Variants in LRRTM4 observed in about 807,000 individuals in gnomAD.
The protein encoded by LRRTM4 is leucine rich repeat transmembrane neuronal 4.
In LRRTM4, 25 loss-of-function variants were observed where a neutral mutation model predicts 47.6. The observed-to-expected ratio is 0.53, with a 90% CI of 0.38 to 0.73. LRRTM4 has a LOEUF of 0.73. Among genes scored for constraint, LRRTM4 ranks in the 30% least tolerant of loss-of-function variants. The pLI is 0.00. For missense variants in LRRTM4, 638 were observed against 713.4 expected (o/e 0.89, Z 1.20); for synonymous variants, 311 against 269.5 (o/e 1.15, Z -1.51).
At chr2:77,142,217 A>G (rs1035034901) in intron 3 of LRRTM4, among the ~76,000 whole-genome samples, 1 of 152,190 alleles carries the variant, frequency 6.6e-6, no homozygotes, top group African/African-American at 2.4e-5. Flanking sequence ...GTATTAGAAC[A>G]TTTACAACAT....
intron 3 of LRRTM4, among the ~76,000 whole-genome samples, chr2:77,020,969 G>A (rs113126754): frequency 2.0e-5 from 3 of 152,192 alleles, no homozygotes; most frequent in East Asian, 1.9e-4. Context: ...TTCTATTACT[G>A]TTATCCTGTA....
At chr2:76,981,541 C>A (rs115317014) in intron 3 of LRRTM4, among the ~76,000 whole-genome samples, 1,549 of 152,188 alleles carry the variant, frequency 0.01, 15 homozygotes, top group Non-Finnish European at 0.014. Flanking sequence ...GTCGCCTAGA[C>A]TGAAGTGCAG....
intron 3 of LRRTM4, among the ~76,000 whole-genome samples, chr2:76,762,104 T>G (rs1378977506): frequency 6.6e-6 from 1 of 152,174 alleles, no homozygotes; most frequent in African/African-American, 2.4e-5. Flanking sequence ...CAGGGCTTAT[T>G]TACTTGGCTC....
At chr2:76,892,002 T>TA (rs150354256) in intron 3 of LRRTM4, among the ~76,000 whole-genome samples, 2 of 151,368 alleles carry the variant, frequency 1.3e-5, no homozygotes, top group Non-Finnish European at 1.5e-5. Flanking sequence ...AAATTAAAAA[T>TA]AAAAAAATTG....
At chr2:77,493,893 TACAG>T (rs1365397363) in intron 3 of LRRTM4, among the ~76,000 whole-genome samples, 1 of 152,108 alleles carries the variant, frequency 6.6e-6, no homozygotes, top group African/African-American at 2.4e-5. Context: ...TGGCTTTCTT[TACAG>T]ACATTGACAC....
At chr2:77,228,572 G>T (rs1054517844) in intron 3 of LRRTM4, among the ~76,000 whole-genome samples, 2 of 152,154 alleles carry the variant, frequency 1.3e-5, no homozygotes, top group Non-Finnish European at 2.9e-5. Flanking sequence ...CTTGCTGCCA[G>T]TTTTCTACAT....
intron 3 of LRRTM4, among the ~76,000 whole-genome samples, chr2:76,778,272 CATAA>C (rs1240182915): frequency 2.8e-5 from 4 of 144,920 alleles, no homozygotes; most frequent in Non-Finnish European, 6.0e-5. Context: ...ATGCTGGCCT[CATAA>C]AATGAGTTAG....
chr2:77,499,405 G>A (rs542273818), intron 3 of LRRTM4, among the ~76,000 whole-genome samples: 14 of 151,886 alleles, frequency 9.2e-5, no homozygotes, highest in East Asian at 7.7e-4. Context: ...TCCTGGTCCC[G>A]GTTCTCTACA....
At chr2:77,520,534 C>T (rs1679443446) in intron 2 of LRRTM4, among the ~76,000 whole-genome samples, 1 of 152,038 alleles carries the variant, frequency 6.6e-6, no homozygotes, top group South Asian at 2.1e-4. Flanking sequence ...ACTGTGGCTC[C>T]CTGCCCAACG....
chr2:77,373,086 A>T (rs866165339), intron 3 of LRRTM4, among the ~76,000 whole-genome samples: 100 of 130,110 alleles, frequency 7.7e-4, no homozygotes, highest in African/African-American at 2.4e-3. Flanking sequence ...AATTAAAAAA[A>T]AAATATATAT....
At position 76,882,481 on chromosome 2, in the gene LRRTM4, T is replaced by C. The variant is rs148709068; in HGVS notation, c.1552-133565A>G. 3.9e-3 allele frequency among the ~76,000 whole-genome samples: 586 copies of C among 151,796 alleles called. 1 individual carries two copies. The highest frequency in any genetic ancestry group is 0.014 in the African/African-American group (561 of 41,360). On this transcript the variant is annotated intron_variant, in intron 3 of 3. Coordinates refer to ENST00000409884, the MANE Select transcript of LRRTM4 (RefSeq NM_001134745.3). ...CTGAGGTGGGCAGATCTCTTGAGCT[T>C]AGGAGTTCGAGACCAATCCAAGCAA...
chr2:77,464,117 C>A (rs1245783909), intron 3 of LRRTM4, among the ~76,000 whole-genome samples: 3 of 151,906 alleles, frequency 2.0e-5, no homozygotes, highest in African/African-American at 7.3e-5. Flanking sequence ...TTTGGAAGGA[C>A]AGACAAGGAA....
chr2:76,998,264 A>G (rs1237323177), intron 3 of LRRTM4, among the ~76,000 whole-genome samples: 1 of 152,046 alleles, frequency 6.6e-6, no homozygotes, highest in Non-Finnish European at 1.5e-5. Context: ...TATCCCATTC[A>G]GCTTATTCAG....
intron 3 of LRRTM4, among the ~76,000 whole-genome samples, chr2:77,262,135 T>A (rs1411567975): frequency 6.6e-6 from 1 of 152,148 alleles, no homozygotes; most frequent in Non-Finnish European, 1.5e-5. Context: ...TCCCATCACC[T>A]ACAGATGGGA....
intron 3 of LRRTM4, among the ~76,000 whole-genome samples, chr2:77,389,772 A>G (rs1673426694): frequency 6.6e-6 from 1 of 151,960 alleles, no homozygotes; most frequent in Admixed American, 6.6e-5. Flanking sequence ...TATAATAGCC[A>G]ACCTCCCTTT....
At chr2:77,462,282 C>A (rs1348003162) in intron 3 of LRRTM4, among the ~76,000 whole-genome samples, 1 of 151,990 alleles carries the variant, frequency 6.6e-6, no homozygotes, top group African/African-American at 2.4e-5. Context: ...AAAGAATAAG[C>A]CATTATCAAA....
chr2:77,219,575 A>G (rs138388221), intron 3 of LRRTM4, among the ~76,000 whole-genome samples: 6 of 152,324 alleles, frequency 3.9e-5, no homozygotes, highest in Non-Finnish European at 4.4e-5. Context: ...TCATCTCTAC[A>G]ATCAGACTAA....
At chr2:77,191,398 C>G (rs1037747559) in intron 3 of LRRTM4, among the ~76,000 whole-genome samples, 5 of 151,592 alleles carry the variant, frequency 3.3e-5, no homozygotes, top group Non-Finnish European at 7.4e-5. Context: ...AAAACTGTCT[C>G]AATAAAAAAT....
intron 3 of LRRTM4, among the ~76,000 whole-genome samples, chr2:77,035,264 C>G (rs1573480227): frequency 6.7e-6 from 1 of 148,382 alleles, no homozygotes; most frequent in African/African-American, 2.5e-5. Context: ...CTAAGAAAAA[C>G]AAACAAACAA....
Sources: allele counts gnomAD v4.1 joint callset (sites outside exome capture counted in the v4.1 genomes callset), GRCh38; gene constraint gnomAD v4.1.1; transcripts MANE v1.5; gene names NCBI Gene and HGNC (gene_info 2026-07-23, HGNC 2026-07-21).